The following DMTF1 variants were observed in gnomAD, a reference collection of about 807,000 sequenced individuals.
DMTF1 encodes the protein cyclin-D-binding Myb-like transcription factor 1.
A neutral mutation model predicts 91.1 loss-of-function variants in DMTF1; 39 were observed. That is an observed-to-expected ratio of 0.43 (90% CI 0.33 to 0.56). DMTF1 has a LOEUF of 0.56. Ranked by LOEUF, DMTF1 falls within the 20% of genes least tolerant of loss-of-function variation. The probability of loss-of-function intolerance (pLI) is 0.05; values close to 1 mark genes in which losing one functional copy is unlikely to be tolerated. For synonymous variants in DMTF1, 338 were observed against 309.5 expected, an observed-to-expected ratio of 1.09 and a Z score of -0.97; for missense variants, 750 against 914.5, an observed-to-expected ratio of 0.82 and a Z score of 2.32.
At chr7:87,187,980 C>T (rs934852081) in intron 12 of DMTF1, 112 bp from the exon 13 acceptor site, 33 of 709,016 alleles carry the variant, frequency 4.7e-5, no homozygotes, top group South Asian at 6.9e-5. Context: ...ATCCAGTATG[C>T]AGTTATTTAT....
In DMTF1 at chr7:87,176,568, A is replaced by G. The variant is rs566435302; in HGVS notation, c.519+1899A>G. 2.0e-5 allele frequency among the ~76,000 whole-genome samples: 3 copies of G among 152,266 alleles called. No homozygotes were observed. In the South Asian group the frequency reaches 6.2e-4, roughly 32 times the overall value. ...CTGATTGTGGCAAAGGACTTAAACT[A>G]CAGTGGTAGAAATAGAATTGGTAGG... On this transcript the variant is annotated intron_variant, in intron 7 of 17. Transcript: ENST00000331242.
intron 14 of DMTF1, 163 bp from the exon 15 acceptor site, chr7:87,193,035 C>A: frequency 1.5e-6 from 1 of 656,008 alleles, no homozygotes; most frequent in Admixed American, 2.9e-5. Context: ...CTTAAACCTT[C>A]AGGCTAGGTA....
intron 12 of DMTF1, 33 bp from the exon 13 acceptor site, chr7:87,188,059 C>CA (rs1798861303): frequency 2.5e-6 from 4 of 1,574,670 alleles, no homozygotes; most frequent in Admixed American, 1.7e-5. Context: ...GTCGGAGAAT[C>CA]AATGTTCTTT....
At chr7:87,183,311 A>T (rs1343226406) in intron 10 of DMTF1, among the ~76,000 whole-genome samples, 1 of 152,194 alleles carries the variant, frequency 6.6e-6, no homozygotes, top group Non-Finnish European at 1.5e-5. Context: ...TTAGGATAGG[A>T]TCTCAGAGTT....
chr7:87,184,253 A>G, intron 10 of DMTF1, 144 bp from the exon 11 acceptor site: 1 of 675,126 alleles, frequency 1.5e-6, no homozygotes. Context: ...CTTAGTGGGT[A>G]TATATGGTTT....
At chr7:87,160,593 C>T (rs1584204121) in intron 1 of DMTF1, among the ~76,000 whole-genome samples, 1 of 152,034 alleles carries the variant, frequency 6.6e-6, no homozygotes, top group Non-Finnish European at 1.5e-5. Flanking sequence ...TTCTTTTCTT[C>T]CCTACTTCTA....
chr7:87,192,034 G>T (rs1338749850), intron 14 of DMTF1, among the ~76,000 whole-genome samples: 1 of 152,034 alleles, frequency 6.6e-6, no homozygotes, highest in Non-Finnish European at 1.5e-5. Flanking sequence ...TTGAAATGGG[G>T]ATGTATAAGA....
At chr7:87,174,281 T>G (rs538970446) in intron 6 of DMTF1, among the ~76,000 whole-genome samples, 2 of 152,324 alleles carry the variant, frequency 1.3e-5, no homozygotes, top group South Asian at 4.1e-4. Flanking sequence ...TTGAGCATGT[T>G]TGGCTTTTTT....
At chr7:87,188,059 C>T (rs377307860) in intron 12 of DMTF1, 33 bp from the exon 13 acceptor site, 5 of 1,574,788 alleles carry the variant, frequency 3.2e-6, no homozygotes, top group Non-Finnish European at 4.4e-6. Flanking sequence ...GTCGGAGAAT[C>T]AATGTTCTTT....
Position 87,186,372 on chromosome 7 carries a change from A to T in DMTF1, c.1201+392A>T, listed in dbSNP as rs140283552. 7.6e-4 allele frequency: 130 copies of T among 170,726 alleles called. 1 individual carries two copies. The highest frequency in any genetic ancestry group is 2.9e-3 in the African/African-American group (120 of 41,878). 10.6% of individuals were successfully genotyped at this position (170,726 alleles called of 1,614,324 possible). ...TCGGCTCAAGTGATTCTCCCACCTC[A>T]GCCTCCTGAATAGCTCGGACTACAG... On this transcript the variant is annotated intron_variant, in intron 12 of 17. Coordinates refer to ENST00000331242, the MANE Select transcript of DMTF1 (RefSeq NM_001142327.2).
At position 87,184,378 on chromosome 7, in the gene DMTF1, G is replaced by C; in HGVS notation, c.821-19G>C. On this transcript the variant is annotated intron_variant, in intron 10 of 17. Transcript: ENST00000331242. Reference sequence around the variant, plus strand: ...AAAAGAAGTTAGCAGTGGTAGTCTGGATGATTTCCTTTTTTCAGGGAAGTG... The same window carrying C: ...AAAAGAAGTTAGCAGTGGTAGTCTGCATGATTTCCTTTTTTCAGGGAAGTG... 1 of 1,609,024 alleles carries C rather than the reference G, an allele frequency of 6.2e-7. No individual in the cohort carries two copies. Among genetic ancestry groups the C allele is most frequent in the Non-Finnish European group, 8.5e-7 (1 of 1,176,756 alleles).
chr7:87,175,784 C>G (rs1359148035), intron 7 of DMTF1, among the ~76,000 whole-genome samples: 1 of 152,164 alleles, frequency 6.6e-6, no homozygotes, highest in South Asian at 2.1e-4. Context: ...AAATTAACCC[C>G]TTTACCTTGA....
chr7:87,193,821 T>C lies in DMTF1; in HGVS notation c.1747T>C (p.Ser583Pro). ...QTVATEDITS[S>P]ISQAELTVDS... Reference sequence around the variant, plus strand: ...TGTTGCCACAGAGGACATCACTTCTTCCATATCCCAAGCAGAACTGACAGT... The same window carrying C: ...TGTTGCCACAGAGGACATCACTTCTCCCATATCCCAAGCAGAACTGACAGT... Residue 583 changes from serine to proline, a missense_variant, in exon 16 of 18, where the codon TCC (serine) becomes CCC (proline). By Grantham distance (74) the Ser-to-Pro change is moderately conservative. This residue lies in a region of DMTF1 where 410 missense variants were observed against 420.2 expected (regional missense o/e 0.98). Coordinates refer to ENST00000331242, the MANE Select transcript of DMTF1 (RefSeq NM_001142327.2). The C allele has an allele frequency of 6.2e-7, 1 of 1,613,268 alleles. No individual in the cohort carries two copies. The highest frequency in any genetic ancestry group is 2.2e-5 in the East Asian group (1 of 44,834).
At chr7:87,193,609 AAT>A (rs1800442867) in intron 15 of DMTF1, 114 bp from the exon 16 acceptor site, 1 of 1,071,336 alleles carries the variant, frequency 9.3e-7, no homozygotes, top group Non-Finnish European at 1.3e-6. Context: ...GTTCTAGAAA[AAT>A]AGTGATAAAA....
In DMTF1 at chr7:87,171,079, C is replaced by T; in HGVS notation, c.317C>T (p.Thr106Ile). ...GATGAGGTTACTGAGGGGACTGTGACACAGATACAGGTATAGTAAATCTTT... is the reference window on the plus strand; with the variant it reads ...GATGAGGTTACTGAGGGGACTGTGATACAGATACAGGTATAGTAAATCTTT... ...ADDEVTEGTV[T>I]QIQILQNEQL... is the part of the protein sequence containing the mutation. Residue 106 changes from threonine to isoleucine, a missense_variant, in exon 5 of 18, where the codon ACA (threonine) becomes ATA (isoleucine). By Grantham distance (89) the Thr-to-Ile change is moderately conservative (BLOSUM62 -1). Around this residue, in one of 3 missense-constraint regions of DMTF1, gnomAD observed 150 missense variants for 150.4 expected, o/e 1.00. Coordinates refer to ENST00000331242, the MANE Select transcript of DMTF1 (RefSeq NM_001142327.2). 1 of 1,601,688 alleles carries T rather than the reference C, an allele frequency of 6.2e-7. No homozygotes were observed.
At position 87,179,822 on chromosome 7, in the gene DMTF1, C is replaced by T. The variant is rs903165448; in HGVS notation, c.677+120C>T. On this transcript the variant is annotated intron_variant, in intron 8 of 17. Transcript: ENST00000331242. ...TATTAATTGTTGTTAATATTTTTAT[C>T]CTCCAGGTCCATGTTGTGAATATGG... is the stretch of plus-strand genomic sequence containing the variant. 15 of 916,416 alleles carry T rather than the reference C, an allele frequency of 1.6e-5. No homozygotes were observed. In the African/African-American group the frequency reaches 2.6e-4, roughly 16 times the overall value. 56.8% of individuals were successfully genotyped at this position (916,416 alleles called of 1,614,324 possible).
chr7:87,182,886 G>C (rs1032484196), intron 10 of DMTF1, among the ~76,000 whole-genome samples: 6 of 152,150 alleles, frequency 3.9e-5, no homozygotes, highest in Non-Finnish European at 8.8e-5. Flanking sequence ...GCCTCTTAAT[G>C]CATGCAGATG....
At position 87,195,162 on chromosome 7, in the gene DMTF1, G is replaced by C. The variant is rs1377380535; in HGVS notation, c.*22G>C. On this transcript the variant is annotated 3_prime_UTR_variant, in exon 18 of 18. Transcript: ENST00000331242. ...TTAGAATAATTCTTAGAAATAGGCA[G>C]TTCAAGCAAAGAAGGCACACTGTTA... 1 of 1,543,892 alleles carries C rather than the reference G, an allele frequency of 6.5e-7. No individual in the cohort carries two copies. Among genetic ancestry groups the C allele is most frequent in the Non-Finnish European group, 8.9e-7 (1 of 1,118,944 alleles).
At chr7:87,159,925 A>G (rs887176182) in intron 1 of DMTF1, among the ~76,000 whole-genome samples, 1 of 152,232 alleles carries the variant, frequency 6.6e-6, no homozygotes, top group Admixed American at 6.5e-5. Context: ...TTGATTGTTG[A>G]CCAAAATGTT....
Sources: gnomAD v4.1 joint callset for allele counts (sites outside exome capture counted in the v4.1 genomes callset) on GRCh38, gnomAD v4.1.1 for gene constraint, gnomAD v4.1.1 regional missense constraint, MANE v1.5 for transcripts, NCBI Gene and HGNC (gene_info 2026-07-23, HGNC 2026-07-21) for gene names.